The following CNOT2 variants were observed in gnomAD, a reference collection of about 807,000 sequenced individuals.
The protein encoded by CNOT2 is CC chemokine receptor 4-negative regulator of transcription 2.
CNOT2 carries 7 observed loss-of-function variants against 72.1 expected under a neutral mutation model. The ratio of observed to expected loss-of-function variants is 0.10; its 90% confidence interval spans 0.06 to 0.18. The LOEUF is 0.18. CNOT2 is among the 10% of genes least tolerant of loss of function. The pLI, the probability that CNOT2 is intolerant of heterozygous loss-of-function variation, is 1.00. For synonymous variants in CNOT2, 196 were observed against 225.6 expected (o/e 0.87, Z 1.17); for missense variants, 345 against 660.3 (o/e 0.52, Z 5.23).
intron 2 of CNOT2, among the ~76,000 whole-genome samples, chr12:70,291,963 G>A (rs1033650360): frequency 1.3e-5 from 2 of 151,876 alleles, no homozygotes; most frequent in African/African-American, 4.8e-5. Context: ...ACAACACCAC[G>A]GTAATAGATA....
chr12:70,322,158 A>G (rs532340013), intron 4 of CNOT2: 4 of 151,968 alleles, frequency 2.6e-5, no homozygotes, highest in African/African-American at 4.8e-5. Flanking sequence ...GCAAAACTAC[A>G]TATAACAAAA....
chr12:70,335,370 G>A lies in CNOT2; in HGVS notation c.650-68G>A, dbSNP rs532707995. The A allele has an allele frequency of 2.0e-5, 24 of 1,173,022 alleles. No individual in the cohort carries two copies. In the African/African-American group the frequency reaches 3.6e-4, roughly 18 times the overall value. The allele number at this position is 1,173,022 out of a possible 1,614,324, so 72.7% of individuals were successfully genotyped here. On this transcript the variant is annotated intron_variant, in intron 7 of 15. Transcript: ENST00000229195. ...CGCAATCATTTCGAATTATATTATGGTTGGTTTTTATAATCTCTTAAAAAA... is the reference window on the plus strand; with the variant it reads ...CGCAATCATTTCGAATTATATTATGATTGGTTTTTATAATCTCTTAAAAAA...
At chr12:70,320,731 T>C (rs1878158653) in intron 4 of CNOT2, among the ~76,000 whole-genome samples, 1 of 151,744 alleles carries the variant, frequency 6.6e-6, no homozygotes, top group East Asian at 1.9e-4. Context: ...AGAACTTACT[T>C]TACCTTTTGG....
At chr12:70,260,939 T>G (rs1335550766) in intron 1 of CNOT2, among the ~76,000 whole-genome samples, 2 of 151,848 alleles carry the variant, frequency 1.3e-5, no homozygotes, top group African/African-American at 4.8e-5. Flanking sequence ...GTGGACAACC[T>G]TGTATTATCT....
chr12:70,287,804 G>A (rs942701360), intron 2 of CNOT2, among the ~76,000 whole-genome samples: 1 of 149,836 alleles, frequency 6.7e-6, no homozygotes, highest in Admixed American at 6.8e-5. Context: ...TTCTCATTGT[G>A]CCTTGTTTCC....
At chr12:70,337,330 T>C in intron 8 of CNOT2, 59 bp from the exon 9 acceptor site, 3 of 1,455,944 alleles carry the variant, frequency 2.1e-6, no homozygotes, top group Non-Finnish European at 1.9e-6. Flanking sequence ...AACTTTATAA[T>C]CTGTAGCAAA....
At chr12:70,272,397 A>C (rs1868257437) in intron 1 of CNOT2, among the ~76,000 whole-genome samples, 1 of 152,158 alleles carries the variant, frequency 6.6e-6, no homozygotes, top group African/African-American at 2.4e-5. Context: ...GCATTTGGAG[A>C]TTTGGGGTAA....
At chr12:70,255,986 G>C (rs1463149291) in intron 1 of CNOT2, among the ~76,000 whole-genome samples, 1 of 152,096 alleles carries the variant, frequency 6.6e-6, no homozygotes, top group Non-Finnish European at 1.5e-5. Flanking sequence ...CAGATACTCA[G>C]TTAACTCTGT....
At chr12:70,338,350 G>A (rs886679062) in intron 9 of CNOT2, 93 bp from the exon 10 acceptor site, 1 of 1,060,496 alleles carries the variant, frequency 9.4e-7, no homozygotes. Flanking sequence ...CAATTTAAAT[G>A]TAATAAAGAA....
At chr12:70,349,586 A>G (rs1343243680) in intron 15 of CNOT2, among the ~76,000 whole-genome samples, 1 of 152,222 alleles carries the variant, frequency 6.6e-6, no homozygotes, top group East Asian at 1.9e-4. Flanking sequence ...ATATTAAATA[A>G]GGGATTAGAT....
At chr12:70,279,931 A>G (rs899684191) in intron 2 of CNOT2, among the ~76,000 whole-genome samples, 51 of 152,248 alleles carry the variant, frequency 3.3e-4, no homozygotes, top group African/African-American at 1.1e-3. Context: ...GCATACCTGG[A>G]AAATGCATTT....
intron 11 of CNOT2, among the ~76,000 whole-genome samples, chr12:70,340,860 T>A (rs2136063178): frequency 6.6e-6 from 1 of 151,806 alleles, no homozygotes; most frequent in Non-Finnish European, 1.5e-5. Context: ...TAAATGTTTG[T>A]GGTTTCATTA....
intron 2 of CNOT2, among the ~76,000 whole-genome samples, chr12:70,306,591 T>C (rs914466065): frequency 2.1e-5 from 3 of 145,512 alleles, no homozygotes; most frequent in Non-Finnish European, 4.5e-5. Flanking sequence ...CATATATTCT[T>C]TCCTGGTAAA....
At chr12:70,305,275 T>C (rs1028750097) in intron 2 of CNOT2, among the ~76,000 whole-genome samples, 1 of 152,154 alleles carries the variant, frequency 6.6e-6, no homozygotes, top group African/African-American at 2.4e-5. Context: ...TGCTGGGAGC[T>C]ATAGACTGGA....
intron 1 of CNOT2, among the ~76,000 whole-genome samples, chr12:70,268,614 T>G (rs910459331): frequency 1.3e-5 from 2 of 149,240 alleles, no homozygotes; most frequent in African/African-American, 2.4e-5. Flanking sequence ...CACGCTCAGC[T>G]TATTTAAAAA....
At chr12:70,267,694 A>G (rs1016943721) in intron 1 of CNOT2, among the ~76,000 whole-genome samples, 7 of 152,226 alleles carry the variant, frequency 4.6e-5, no homozygotes, top group Admixed American at 1.3e-4. Context: ...TTACATTTGT[A>G]TACTTCAGAT....
chr12:70,350,611 C>G (rs1255592527), intron 15 of CNOT2, among the ~76,000 whole-genome samples: 1 of 152,168 alleles, frequency 6.6e-6, no homozygotes. Flanking sequence ...TCTGATGGTT[C>G]AGTGTACAGT....
chr12:70,353,952 T>C lies in CNOT2; in HGVS notation c.*37T>C. Reference sequence around the variant, plus strand: ...AAAAAAAAAAAAGACTTCCCTTTTCTTGGGGTATGGCTGTCTCAGCACAAT... The same window carrying C: ...AAAAAAAAAAAAGACTTCCCTTTTCCTGGGGTATGGCTGTCTCAGCACAAT... On this transcript the variant is annotated 3_prime_UTR_variant, in exon 16 of 16. Coordinates refer to ENST00000229195, the MANE Select transcript of CNOT2 (RefSeq NM_014515.7). 1 of 1,569,520 alleles carries C rather than the reference T, an allele frequency of 6.4e-7. No homozygotes were observed. The highest frequency in any genetic ancestry group is 8.6e-7 in the Non-Finnish European group (1 of 1,164,974).
At chr12:70,306,230 A>T (rs984572745) in intron 2 of CNOT2, among the ~76,000 whole-genome samples, 1 of 152,136 alleles carries the variant, frequency 6.6e-6, no homozygotes, top group African/African-American at 2.4e-5. Context: ...ATCTTGGCTC[A>T]CTGCAACCTC....
Sources: allele counts gnomAD v4.1 joint callset (sites outside exome capture counted in the v4.1 genomes callset), GRCh38; gene constraint gnomAD v4.1.1; transcripts MANE v1.5; gene names NCBI Gene and HGNC (gene_info 2026-07-23, HGNC 2026-07-21).